The following PALM variants were observed in gnomAD, a reference collection of about 807,000 sequenced individuals.
The protein encoded by PALM is paralemmin, also known as paralemmin-1.
Under a neutral mutation model 30.7 loss-of-function variants are expected in PALM, and 18 were observed. The ratio of observed to expected loss-of-function variants is 0.59; its 90% CI spans 0.41 to 0.87. PALM has a LOEUF of 0.87. Ranked by LOEUF, PALM falls within the 40% of genes least tolerant of loss-of-function variation. PALM has a pLI of 0.00. For synonymous variants in PALM, 286 were observed against 242.8 expected (o/e 1.18, Z -1.66); for missense variants, 529 against 555.4 (o/e 0.95, Z 0.48).
At chr19:745,778 G>T (rs1001651290) in intron 8 of PALM, among the ~76,000 whole-genome samples, 18 of 151,686 alleles carry the variant, frequency 1.2e-4, no homozygotes, top group African/African-American at 4.4e-4. Flanking sequence ...CTCATTGTCG[G>T]CTGGGCCTGG....
chr19:732,860 T>C (rs1441167165), intron 5 of PALM, among the ~76,000 whole-genome samples: 1 of 151,230 alleles, frequency 6.6e-6, no homozygotes, highest in East Asian at 1.9e-4. Context: ...GTGGGAGGGC[T>C]GGGCAGGCGA....
chr19:726,961 C>T, intron 2 of PALM, 47 bp from the exon 3 acceptor site: 1 of 1,166,748 alleles, frequency 8.6e-7, no homozygotes, highest in Non-Finnish European at 1.2e-6. Context: ...GGGGGGGTCT[C>T]CGGGACCCCC....
chr19:724,025 T>A lies in PALM; in HGVS notation c.6-2113T>A, dbSNP rs564225572. Among the ~76,000 whole-genome samples the A allele has an allele frequency of 1.3e-3, 202 of 150,964 alleles. 1 individual carries two copies. Among genetic ancestry groups the A allele is most frequent in the African/African-American group, 4.6e-3 (190 of 41,016 alleles). On this transcript the variant is annotated intron_variant, in intron 1 of 8. Coordinates refer to ENST00000338448, the MANE Select transcript of PALM (RefSeq NM_002579.3). ...GGTGGGAGGGGAAGCGAGAAAGCAG[T>A]GGGGTGGGGGTGCCCTGAACTCCGT...
At position 746,531 on chromosome 19, in the gene PALM, A is replaced by C; in HGVS notation, c.881A>C (p.Gln294Pro). The C allele has an allele frequency of 1.2e-6, 2 of 1,612,794 alleles. No homozygotes were observed. The highest frequency in any genetic ancestry group is 1.7e-6 in the Non-Finnish European group (2 of 1,179,812). The change falls in exon 9 of 9, where the codon CAG (glutamine) becomes CCG (proline). Residue 294 changes from glutamine (Q) to proline (P), a missense_variant. Coordinates refer to ENST00000338448, the MANE Select transcript of PALM (RefSeq NM_002579.3). This position sits in a 1 kb window ranked among gnomAD's most constrained non-coding sequence, Gnocchi z 7.1. ...TSGPPGIQPG[Q>P]EPPVTMIFMG... The stretch of plus-strand genomic sequence containing the variant: ...GGCCCGCCGGGGATCCAGCCCGGCC[A>C]GGAGCCCCCGGTCACAATGATCTTC...
At chr19:743,893 G>C (rs2033260482) in intron 8 of PALM, among the ~76,000 whole-genome samples, 1 of 152,126 alleles carries the variant, frequency 6.6e-6, no homozygotes, top group Non-Finnish European at 1.5e-5. Flanking sequence ...ATGCTACCCA[G>C]TGGAGAATAC....
chr19:712,340 T>C (rs11085183), intron 1 of PALM, among the ~76,000 whole-genome samples: 61,873 of 151,632 alleles, frequency 0.41, 12,859 homozygotes, highest in Middle Eastern at 0.5. Context: ...GCCTTTTCCA[T>C]GGCCCTGTTC....
intron 7 of PALM, 120 bp downstream of exon 7, chr19:736,198 G>A: frequency 1.4e-6 from 1 of 720,610 alleles, no homozygotes; most frequent in Non-Finnish European, 2.2e-6. Flanking sequence ...GTCTGACGGG[G>A]CCGTGGTTAT....
At chr19:731,893 C>A (rs185777232) in intron 5 of PALM, among the ~76,000 whole-genome samples, 1 of 151,860 alleles carries the variant, frequency 6.6e-6, no homozygotes, top group Non-Finnish European at 1.5e-5. Context: ...AACTCCTGAC[C>A]TCAGGTGATC....
chr19:735,866 G>C (rs2033008333), intron 6 of PALM, among the ~76,000 whole-genome samples, 153 bp from the exon 7 acceptor site: 1 of 151,686 alleles, frequency 6.6e-6, no homozygotes, highest in Admixed American at 6.6e-5. Context: ...GGGGGCCCAG[G>C]TTCCTGTGTC....
rs1263897620 is a variant in PALM at position 734,099 on chromosome 19, T to C, written c.421-74T>C. 4 of 1,457,362 alleles carry C rather than the reference T, an allele frequency of 2.7e-6. No homozygotes were observed. The East Asian group carries it at 6.8e-5, about 25-fold the overall frequency. 90.3% of individuals were successfully genotyped at this position (1,457,362 alleles called of 1,614,324 possible). Reference sequence around the variant, plus strand: ...CCACTGTGCCATGCCCTCCCCAGGCTCCTGACCCCATGGCTCCCCTTCCTC... The same window carrying C: ...CCACTGTGCCATGCCCTCCCCAGGCCCCTGACCCCATGGCTCCCCTTCCTC... On this transcript the variant is annotated intron_variant, in intron 5 of 8. Transcript: ENST00000338448.
intron 4 of PALM, among the ~76,000 whole-genome samples, chr19:730,784 G>C (rs1171605853): frequency 6.6e-6 from 1 of 152,168 alleles, no homozygotes; most frequent in Non-Finnish European, 1.5e-5. Context: ...CAGATCACCT[G>C]AGGTCGGGAG....
chr19:728,416 C>T (rs6510919), intron 4 of PALM, among the ~76,000 whole-genome samples: 82,784 of 152,074 alleles, frequency 0.54, 23,063 homozygotes, highest in Middle Eastern at 0.66. Flanking sequence ...GGGTTCTGAC[C>T]CCGTGGGGGC....
At chr19:738,895 T>C (rs1041988871) in intron 7 of PALM, among the ~76,000 whole-genome samples, 2 of 151,772 alleles carry the variant, frequency 1.3e-5, no homozygotes, top group South Asian at 2.1e-4. Context: ...ATCTGGGGGG[T>C]GTGCCAGGCA....
intron 7 of PALM, among the ~76,000 whole-genome samples, chr19:737,449 A>G (rs2033055858): frequency 6.6e-6 from 1 of 152,244 alleles, no homozygotes; most frequent in Non-Finnish European, 1.5e-5. Context: ...GCTGCATGCC[A>G]GGCATTGGGG....
chr19:745,707 A>T (rs1252086359), intron 8 of PALM, among the ~76,000 whole-genome samples: 1 of 143,942 alleles, frequency 6.9e-6, no homozygotes, highest in Non-Finnish European at 1.5e-5. Context: ...AAAAAATCCC[A>T]ATTCATTCCT....
chr19:728,732 G>A (rs913499212), intron 4 of PALM, among the ~76,000 whole-genome samples: 6 of 151,996 alleles, frequency 3.9e-5, no homozygotes, highest in Admixed American at 6.6e-5. Context: ...GGCCAGGCGC[G>A]GTGGCTCAAG....
intron 1 of PALM, among the ~76,000 whole-genome samples, chr19:721,589 T>A (rs562982337): frequency 9.9e-5 from 15 of 151,350 alleles, no homozygotes; most frequent in East Asian, 3.9e-4. Flanking sequence ...TTTAAAAAAA[T>A]TTTTTGTTTG....
intron 1 of PALM, chr19:711,105 T>C: frequency 2.9e-6 from 2 of 700,934 alleles, no homozygotes; most frequent in Non-Finnish European, 3.5e-6. Context: ...ATTTAAAGAA[T>C]TTTAAATGTC....
intron 1 of PALM, chr19:711,060 C>T (rs886793019): frequency 1.8e-5 from 6 of 335,680 alleles, no homozygotes; most frequent in African/African-American, 6.7e-5. Flanking sequence ...TGGTGGTGCC[C>T]GTCTCGCTGG....
Sources: allele counts gnomAD v4.1 joint callset (sites outside exome capture counted in the v4.1 genomes callset), GRCh38; gene constraint gnomAD v4.1.1; non-coding constraint Gnocchi (gnomAD v3.1); transcripts MANE v1.5; gene names NCBI Gene and HGNC (gene_info 2026-07-23, HGNC 2026-07-21).